Variants in MCF2L observed in about 807,000 individuals in gnomAD.
MCF2L encodes guanine nucleotide exchange factor DBS.
Under a neutral mutation model 153.4 loss-of-function variants are expected in MCF2L, and 97 were observed. That is an observed-to-expected ratio of 0.63 (90% CI 0.54 to 0.75). The LOEUF (loss-of-function observed/expected upper bound fraction) is 0.75, where lower values mean the gene tolerates loss of function less well. Ranked by LOEUF, MCF2L falls within the 30% of genes least tolerant of loss-of-function variation. The pLI, the probability that MCF2L is intolerant of heterozygous loss-of-function variation, is 0.00. For missense variants in MCF2L, 1,347 were observed against 1,495.2 expected, an observed-to-expected ratio of 0.90 and a Z score of 1.64; for synonymous variants, 659 against 632.2, an observed-to-expected ratio of 1.04 and a Z score of -0.64.
intron 1 of MCF2L, among the ~76,000 whole-genome samples, chr13:112,982,378 C>T (rs2082466805): frequency 6.6e-6 from 1 of 152,184 alleles, no homozygotes; most frequent in African/African-American, 2.4e-5. Context: ...ATCCATGGGG[C>T]CTGGAGCCTG....
chr13:113,051,588 G>A (rs913541091), intron 4 of MCF2L, among the ~76,000 whole-genome samples: 3 of 151,182 alleles, frequency 2.0e-5, no homozygotes, highest in Admixed American at 6.6e-5. Context: ...GTCCAATAAC[G>A]GGCGGCACGA....
At chr13:112,986,464 C>T (rs976109512) in intron 1 of MCF2L, among the ~76,000 whole-genome samples, 1 of 152,228 alleles carries the variant, frequency 6.6e-6, no homozygotes, top group African/African-American at 2.4e-5. Flanking sequence ...CCCATTCACA[C>T]CTGGGCTTCC....
chr13:112,953,941 C>G (rs951075993), intron 2 of MCF2L, among the ~76,000 whole-genome samples: 1 of 152,218 alleles, frequency 6.6e-6, no homozygotes, highest in African/African-American at 2.4e-5. Flanking sequence ...ATATGAGTGT[C>G]TAGGTTGGGA....
At chr13:113,033,175 C>T (rs1431604100) in intron 3 of MCF2L, among the ~76,000 whole-genome samples, 3 of 136,878 alleles carry the variant, frequency 2.2e-5, no homozygotes, top group Admixed American at 7.2e-5. Context: ...GAGTGGCCCC[C>T]ATGACGTGAG....
intron 1 of MCF2L, among the ~76,000 whole-genome samples, chr13:113,011,376 G>T (rs1053343499): frequency 6.6e-6 from 1 of 152,396 alleles, no homozygotes; most frequent in African/African-American, 2.4e-5. Flanking sequence ...CAGAGGCACT[G>T]CGGGCTGCCA....
rs1218997932 is a variant in MCF2L at position 113,088,601 on chromosome 13, T to G, written c.2807T>G (p.Leu936Arg). ...CGGGCGCTGGAGCAGTCACAGAGCC[T>G]GCCCCTGCCGGCCCCGACCAGCACC... is the stretch of plus-strand genomic sequence containing the variant. ...QHRALEQSQSLPLPAPTSTSP... is the reference protein window; with the variant it reads ...QHRALEQSQSRPLPAPTSTSP... Residue 936 changes from leucine (L) to arginine (R), a missense_variant, in exon 25 of 30, where the codon CTG (leucine) becomes CGG (arginine). This residue lies in a region of MCF2L where 383 missense variants were observed against 335.4 expected (regional missense o/e 1.14). Coordinates refer to ENST00000535094, the MANE Select transcript of MCF2L (RefSeq NM_001112732.3). 28 of 1,609,120 alleles carry G rather than the reference T, an allele frequency of 1.7e-5. No homozygotes were observed. Among genetic ancestry groups the G allele is most frequent in the Non-Finnish European group, 2.3e-5 (27 of 1,179,874 alleles).
chr13:113,022,371 TCTCC>T (rs1319163018), intron 2 of MCF2L, among the ~76,000 whole-genome samples: 1 of 151,264 alleles, frequency 6.6e-6, no homozygotes, highest in African/African-American at 2.4e-5. Context: ...AGGAGCAGCT[TCTCC>T]CTCCCACCCA....
chr13:112,974,096 T>C (rs1432740625), intron 1 of MCF2L, among the ~76,000 whole-genome samples: 1 of 152,118 alleles, frequency 6.6e-6, no homozygotes, highest in Non-Finnish European at 1.5e-5. Flanking sequence ...GGCACTTCCT[T>C]ATCTGGCATT....
At position 113,088,447 on chromosome 13, in the gene MCF2L, C is replaced by G. The variant is rs1316138105; in HGVS notation, c.2767+42C>G. ...GCGATCGTTTCCCGTAGCTTCCGCT[C>G]CAGGTGCATTTTTACCTATGTTCAG... On this transcript the variant is annotated intron_variant, in intron 24 of 29. Coordinates refer to ENST00000535094, the MANE Select transcript of MCF2L (RefSeq NM_001112732.3). 3 of 1,609,654 alleles carry G rather than the reference C, an allele frequency of 1.9e-6. No homozygotes were observed. In the Admixed American group the frequency reaches 5.0e-5, roughly 27 times the overall value.
chr13:112,942,027 A>T (rs539949431), intron 2 of MCF2L, among the ~76,000 whole-genome samples: 49 of 152,208 alleles, frequency 3.2e-4, no homozygotes, highest in Non-Finnish European at 6.0e-4. Context: ...GTGTCAAGGA[A>T]AAACACCCAC....
chr13:112,976,554 C>T (rs2082221199), intron 1 of MCF2L, among the ~76,000 whole-genome samples: 1 of 152,194 alleles, frequency 6.6e-6, no homozygotes, highest in South Asian at 2.1e-4. Flanking sequence ...GGCGGCAAGG[C>T]TGTGGCGGAC....
At chr13:113,094,259 G>A (rs2035461596) in intron 26 of MCF2L, 1 of 267,722 alleles carries the variant, frequency 3.7e-6, no homozygotes, top group African/African-American at 2.2e-5. Context: ...CCAGGGCCTG[G>A]GGATCGAGGT....
intron 1 of MCF2L, chr13:113,001,906 G>A: frequency 6.3e-7 from 1 of 1,592,690 alleles, no homozygotes; most frequent in Non-Finnish European, 8.5e-7. Context: ...CTCGCACTGG[G>A]CAGCATGACG....
chr13:113,032,689 T>C (rs1254852872), intron 3 of MCF2L, among the ~76,000 whole-genome samples: 1 of 152,116 alleles, frequency 6.6e-6, no homozygotes, highest in Non-Finnish European at 1.5e-5. Context: ...CCTGCCTCAG[T>C]CTCCTGAGTA....
At chr13:113,000,667 G>A (rs1376941655) in intron 1 of MCF2L, among the ~76,000 whole-genome samples, 1 of 152,252 alleles carries the variant, frequency 6.6e-6, no homozygotes, top group Admixed American at 6.5e-5. Context: ...AGAGGCAGGA[G>A]CCAGGTGTCT....
intron 3 of MCF2L, among the ~76,000 whole-genome samples, chr13:113,036,871 T>C (rs910077309): frequency 6.6e-6 from 1 of 152,234 alleles, no homozygotes; most frequent in African/African-American, 2.4e-5. Context: ...AGTGGAACTT[T>C]TAACAACCAT....
chr13:112,901,622 C>T (rs896440359), intron 1 of MCF2L, among the ~76,000 whole-genome samples: 6 of 152,196 alleles, frequency 3.9e-5, no homozygotes, highest in Admixed American at 1.3e-4. Flanking sequence ...TCTGAGGCTT[C>T]GGTTGGAAAT....
chr13:112,959,098 G>A (rs1174734385), intron 2 of MCF2L, among the ~76,000 whole-genome samples: 1 of 152,166 alleles, frequency 6.6e-6, no homozygotes, highest in Admixed American at 6.5e-5. Flanking sequence ...TAACCTAGAG[G>A]TTTTTATCTG....
rs776661767 is a variant in MCF2L at position 113,084,948 on chromosome 13, C to T, written c.2118C>T (p.Ser706=). 1 of 1,614,062 alleles carries T rather than the reference C, an allele frequency of 6.2e-7. No homozygotes were observed. The highest frequency in any genetic ancestry group is 2.2e-5 in the East Asian group (1 of 44,886). The change falls in exon 19 of 30, where the codon AGC becomes AGT. Residue 706 remains serine (S), a synonymous_variant. Coordinates refer to ENST00000535094, the MANE Select transcript of MCF2L (RefSeq NM_001112732.3). ...KYCQNKPRSE[S]LWRQCSDCPF... ...GTCAGAACAAGCCCCGCTCTGAGAG[C>T]CTGTGGAGACAGTGCTCCGACTGCC...
Sources: allele counts gnomAD v4.1 joint callset (sites outside exome capture counted in the v4.1 genomes callset), GRCh38; gene constraint gnomAD v4.1.1; regional missense constraint gnomAD v4.1.1; transcripts MANE v1.5; gene names NCBI Gene and HGNC (gene_info 2026-07-23, HGNC 2026-07-21).